The following RCAN1 variants were observed in gnomAD, a reference collection of about 807,000 sequenced individuals.
RCAN1 encodes regulator of calcineurin 1, also known as calcipressin-1.
Under a neutral mutation model 22.9 loss-of-function variants are expected in RCAN1, and 11 were observed. That is an observed-to-expected ratio of 0.48 (90% CI 0.30 to 0.79). RCAN1 has a LOEUF of 0.79. Ranked by LOEUF, RCAN1 falls within the 30% of genes least tolerant of loss-of-function variation. The probability of loss-of-function intolerance (pLI) is 0.06; values close to 1 mark genes in which losing one functional copy is unlikely to be tolerated. For missense variants in RCAN1, 291 were observed against 337.8 expected (o/e 0.86, Z 1.09); for synonymous variants, 136 against 142.3 (o/e 0.96, Z 0.32).
At chr21:34,602,452 T>C (rs1297364418) in intron 1 of RCAN1, among the ~76,000 whole-genome samples, 2 of 152,212 alleles carry the variant, frequency 1.3e-5, no homozygotes, top group Non-Finnish European at 2.9e-5. Flanking sequence ...AAATGAACCC[T>C]GAATCACTTT....
At chr21:34,555,968 C>T (rs1038525802) in intron 1 of RCAN1, among the ~76,000 whole-genome samples, 10 of 151,550 alleles carry the variant, frequency 6.6e-5, no homozygotes, top group Admixed American at 2.0e-4. Context: ...GAGGCTGAGG[C>T]AGGAGAATGG....
At chr21:34,593,007 G>A (rs778236708) in intron 1 of RCAN1, among the ~76,000 whole-genome samples, 12 of 152,192 alleles carry the variant, frequency 7.9e-5, no homozygotes, top group Admixed American at 1.3e-4. Flanking sequence ...GAGGACAGTG[G>A]TTATGTGTCA....
intron 1 of RCAN1, among the ~76,000 whole-genome samples, chr21:34,534,580 A>G (rs1185180882): frequency 6.6e-6 from 1 of 152,204 alleles, no homozygotes; most frequent in African/African-American, 2.4e-5. Context: ...GGAGAACTGC[A>G]CCAGTGGGGG....
chr21:34,534,837 G>T (rs891154839), intron 1 of RCAN1, among the ~76,000 whole-genome samples: 7 of 152,190 alleles, frequency 4.6e-5, no homozygotes, highest in Non-Finnish European at 1.0e-4. Flanking sequence ...CTATGTCCTT[G>T]CTGTGGGGGG....
At chr21:34,551,447 A>ATT (rs1986363310) in intron 1 of RCAN1, among the ~76,000 whole-genome samples, 1 of 152,220 alleles carries the variant, frequency 6.6e-6, no homozygotes, top group African/African-American at 2.4e-5. Flanking sequence ...TAACCAATTA[A>ATT]ATATTTAACC....
chr21:34,562,130 T>C (rs1415156397), intron 1 of RCAN1, among the ~76,000 whole-genome samples: 1 of 152,222 alleles, frequency 6.6e-6, no homozygotes, highest in Middle Eastern at 3.2e-3. Flanking sequence ...GAATGCTCCA[T>C]GAATTCCATT....
In RCAN1 at chr21:34,614,947, G is replaced by A; in HGVS notation, c.65C>T (p.Ala22Val). The A allele has an allele frequency of 2.5e-6, 3 of 1,183,178 alleles. No individual in the cohort carries two copies. The highest frequency in any genetic ancestry group is 3.1e-6 in the Non-Finnish European group (3 of 960,828). The allele number at this position is 1,183,178 out of a possible 1,614,324, so 73.3% of individuals were successfully genotyped here. A position where few individuals can be genotyped will look rare whatever the true frequency, so the allele number is the denominator to read the frequency against. ...AAAEAAEAAE[A>V]RARPGVTLRP... ...CAGCGTCACCCCGGGCCGCGCTCGCGCCTCGGCCGCCTCCGCCGCCTCCGC... is the reference window on the plus strand; with the variant it reads ...CAGCGTCACCCCGGGCCGCGCTCGCACCTCGGCCGCCTCCGCCGCCTCCGC... Residue 22 changes from alanine (A) to valine (V), a missense_variant, in exon 1 of 4, where the codon GCG becomes GTG. Physicochemically the swap from Ala to Val is moderately conservative, Grantham distance 64. Transcript: ENST00000313806. This position sits in a 1 kb window ranked among gnomAD's most constrained non-coding sequence, Gnocchi z 6.0.
chr21:34,546,975 C>A (rs1986169005), intron 1 of RCAN1, among the ~76,000 whole-genome samples: 1 of 152,126 alleles, frequency 6.6e-6, no homozygotes, highest in Non-Finnish European at 1.5e-5. Flanking sequence ...CCAGATAATA[C>A]CTACGTGAAT....
intron 1 of RCAN1, among the ~76,000 whole-genome samples, chr21:34,581,908 A>G (rs542323707): frequency 6.6e-6 from 1 of 151,854 alleles, no homozygotes; most frequent in Non-Finnish European, 1.5e-5. Flanking sequence ...CTTGTTAGTG[A>G]CCTCCCAACT....
intron 1 of RCAN1, among the ~76,000 whole-genome samples, chr21:34,568,433 A>C (rs188477125): frequency 6.6e-6 from 1 of 152,170 alleles, no homozygotes; most frequent in Non-Finnish European, 1.5e-5. Context: ...TGGTTTTCCA[A>C]CTTCACAATG....
intron 1 of RCAN1, among the ~76,000 whole-genome samples, chr21:34,600,998 A>C (rs186094203): frequency 6.6e-6 from 1 of 152,384 alleles, no homozygotes; most frequent in Admixed American, 6.5e-5. Context: ...TTTAAGCTGC[A>C]GGACCCCCTG....
intron 1 of RCAN1, among the ~76,000 whole-genome samples, chr21:34,535,698 A>G (rs1985635844): frequency 6.6e-6 from 1 of 152,192 alleles, no homozygotes; most frequent in African/African-American, 2.4e-5. Context: ...ACAAATATGT[A>G]TTTCTGGGAT....
rs1296830560 is a variant in RCAN1, at chr21:34,526,748, A to G, written c.253-3038T>C. The G allele has an allele frequency of 5.0e-6, 8 of 1,612,440 alleles. No individual in the cohort carries two copies. In the South Asian group the frequency reaches 5.5e-5, roughly 11 times the overall value. ...ACTGTAGTTAAAGTTTCTAAAATGC[A>G]TCTTGCTTTCTTACAGTGAAAGCGC... On this transcript the variant is annotated intron_variant, in intron 1 of 3. Coordinates refer to ENST00000313806, the MANE Select transcript of RCAN1 (RefSeq NM_004414.7).
Position 34,614,858 on chromosome 21 carries a change from T to C in RCAN1, c.154A>G (p.Ile52Val). 6.8e-7 allele frequency: 1 copy of C among 1,472,706 alleles called. No homozygotes were observed. Among genetic ancestry groups the C allele is most frequent in the Non-Finnish European group, 9.0e-7 (1 of 1,109,022 alleles). The allele number at this position is 1,472,706 out of a possible 1,614,324, so 91.2% of individuals were successfully genotyped here. A position where few individuals can be genotyped will look rare whatever the true frequency, so the allele number is the denominator to read the frequency against. The stretch of plus-strand genomic sequence containing the variant: ...TCCACCTCCTCCATCTCGCAGTCAA[T>C]GAAGCTCCAGTCGCCGCCGCCCTCG... ...ADEGGGDWSFIDCEMEEVDLQ... is the reference protein window; with the variant it reads ...ADEGGGDWSFVDCEMEEVDLQ... Residue 52 changes from isoleucine to valine, a missense_variant, in exon 1 of 4, where the codon ATT becomes GTT. Physicochemically the swap from Ile to Val is conservative, Grantham distance 29 (BLOSUM62 3). Coordinates refer to ENST00000313806, the MANE Select transcript of RCAN1 (RefSeq NM_004414.7). This position sits in a 1 kb window ranked among gnomAD's most constrained non-coding sequence, Gnocchi z 6.0.
chr21:34,548,644 C>G (rs1414897829), intron 1 of RCAN1, among the ~76,000 whole-genome samples: 1 of 152,176 alleles, frequency 6.6e-6, no homozygotes, highest in Non-Finnish European at 1.5e-5. Context: ...TTGTCTTTAA[C>G]TGTATTGTGA....
rs769283219 is a variant in RCAN1, at chr21:34,581,221, C to T, written c.252+33539G>A. 1.8e-4 allele frequency among the ~76,000 whole-genome samples: 27 copies of T among 152,078 alleles called. 1 individual carries two copies. The highest frequency in any genetic ancestry group is 3.5e-4 in the Non-Finnish European group (24 of 68,010). ...TAGAATGGAAAGATCCCTATTCCAA[C>T]GTCCCAACCAAATCAAGATGCTGTT... On this transcript the variant is annotated intron_variant, in intron 1 of 3. Transcript: ENST00000313806.
intron 1 of RCAN1, among the ~76,000 whole-genome samples, chr21:34,568,665 A>C (rs1013254413): frequency 1.3e-5 from 2 of 152,220 alleles, no homozygotes; most frequent in African/African-American, 4.8e-5. Flanking sequence ...AATCATACTC[A>C]TGAATTGCTG....
intron 1 of RCAN1, 47 bp from the exon 2 acceptor site, chr21:34,523,757 A>G: frequency 6.7e-7 from 1 of 1,489,612 alleles, no homozygotes; most frequent in Non-Finnish European, 9.3e-7. Context: ...TTACCTGCAT[A>G]TGACCCTTGA....
rs576143068 is a variant in RCAN1, at chr21:34,555,091, A to T, written c.253-31381T>A. Among the ~76,000 whole-genome samples, 18 of 152,382 alleles carry T rather than the reference A, an allele frequency of 1.2e-4. 1 individual carries two copies. The South Asian group carries it at 3.7e-3, about 32-fold the overall frequency. On this transcript the variant is annotated intron_variant, in intron 1 of 3. Coordinates refer to ENST00000313806, the MANE Select transcript of RCAN1 (RefSeq NM_004414.7). The stretch of plus-strand genomic sequence containing the variant: ...CAGAGATGTGCTAAACAGTGCTAAC[A>T]GTGCACTTGCTGTTTCCAGACTGTG...
Sources: allele counts gnomAD v4.1 joint callset (sites outside exome capture counted in the v4.1 genomes callset), GRCh38; gene constraint gnomAD v4.1.1; non-coding constraint Gnocchi (gnomAD v3.1); transcripts MANE v1.5; gene names NCBI Gene and HGNC (gene_info 2026-07-23, HGNC 2026-07-21).